Variants in LINGO2 observed in about 807,000 individuals in gnomAD.
LINGO2 encodes the protein leucine rich repeat and Ig domain containing 2.
LINGO2 carries 14 observed loss-of-function variants against 30.6 expected under a neutral mutation model. The observed-to-expected ratio is 0.46, with a 90% confidence interval of 0.30 to 0.72. The LOEUF is 0.72. Ranked by LOEUF, LINGO2 falls within the 30% of genes least tolerant of loss-of-function variation. The pLI, the probability that LINGO2 is intolerant of heterozygous loss-of-function variation, is 0.07. For missense variants in LINGO2, 729 were observed against 751.7 expected (o/e 0.97, Z 0.35); for synonymous variants, 317 against 288.5 (o/e 1.10, Z -1.00).
At chr9:29,059,229 G>T in the LINGO2 span, among the ~76,000 whole-genome samples, 12 of 151,624 alleles carry the variant, frequency 7.9e-5, no homozygotes, top group African/African-American at 2.9e-4. Flanking sequence ...CAATAAAATT[G>T]CAATGAGTAT....
At chr9:28,403,427 T>A (rs1587621021) in intron 2 of LINGO2, among the ~76,000 whole-genome samples, 1 of 152,162 alleles carries the variant, frequency 6.6e-6, no homozygotes, top group East Asian at 1.9e-4. Flanking sequence ...TCTCTTCAGG[T>A]CTGACAGCTA....
intron 4 of LINGO2, among the ~76,000 whole-genome samples, chr9:28,145,805 A>T (rs1449258698): frequency 6.6e-6 from 1 of 152,134 alleles, no homozygotes; most frequent in Non-Finnish European, 1.5e-5. Context: ...TTTCTTTCAC[A>T]AATAGCTTCA....
chr9:28,994,228 A>C, the LINGO2 span, among the ~76,000 whole-genome samples: 2 of 152,330 alleles, frequency 1.3e-5, no homozygotes, highest in African/African-American at 4.8e-5. Flanking sequence ...CCAATAACAG[A>C]CAAACATAGA....
chr9:28,733,653 A>G, the LINGO2 span, among the ~76,000 whole-genome samples: 2 of 152,152 alleles, frequency 1.3e-5, no homozygotes, highest in Non-Finnish European at 2.9e-5. Context: ...TGCGTTAACC[A>G]GTCCACCTTT....
At chr9:29,082,802 C>T in the LINGO2 span, among the ~76,000 whole-genome samples, 28,280 of 152,082 alleles carry the variant, frequency 0.19, 2,775 homozygotes, top group East Asian at 0.34. Context: ...CAAAAGAAGA[C>T]GTTTATGCAG....
chr9:28,973,113 G>GT, the LINGO2 span, among the ~76,000 whole-genome samples: 891 of 152,216 alleles, frequency 5.9e-3, 8 homozygotes, highest in African/African-American at 0.021. Context: ...GGGGTAGAAT[G>GT]TTTTTTCAAG....
chr9:28,631,421 G>A (rs903602913), intron 1 of LINGO2, among the ~76,000 whole-genome samples: 1 of 145,252 alleles, frequency 6.9e-6, no homozygotes, highest in African/African-American at 2.5e-5. Flanking sequence ...ATTAATTTTT[G>A]TATAAGGTGT....
At chr9:28,826,556 C>A in the LINGO2 span, among the ~76,000 whole-genome samples, 1 of 152,042 alleles carries the variant, frequency 6.6e-6, no homozygotes, top group Non-Finnish European at 1.5e-5. Context: ...CACACACACA[C>A]AAAATTGTTT....
chr9:28,851,078 T>A, the LINGO2 span, among the ~76,000 whole-genome samples: 10 of 152,028 alleles, frequency 6.6e-5, no homozygotes, highest in Non-Finnish European at 1.3e-4. Flanking sequence ...AGGAATTACA[T>A]TAAGGAAGAT....
the LINGO2 span, among the ~76,000 whole-genome samples, chr9:28,896,539 A>G: frequency 3.3e-5 from 5 of 152,100 alleles, no homozygotes; most frequent in African/African-American, 1.2e-4. Flanking sequence ...TTATAAACCT[A>G]CACTGTTATC....
At chr9:28,214,155 T>G (rs1820686848) in intron 4 of LINGO2, among the ~76,000 whole-genome samples, 1 of 151,718 alleles carries the variant, frequency 6.6e-6, no homozygotes, top group South Asian at 2.1e-4. Context: ...TTTCAAAAAT[T>G]ATGTCAGCAT....
intron 5 of LINGO2, among the ~76,000 whole-genome samples, chr9:27,976,128 T>TAC (rs1428179825): frequency 6.6e-6 from 1 of 152,146 alleles, no homozygotes; most frequent in Non-Finnish European, 1.5e-5. Context: ...TAACAGTACC[T>TAC]ACTTCATAAA....
the LINGO2 span, among the ~76,000 whole-genome samples, chr9:28,768,663 C>T: frequency 6.7e-6 from 1 of 149,366 alleles, no homozygotes; most frequent in Non-Finnish European, 1.5e-5. Context: ...CAGTCTCTCC[C>T]TCTCTCTCTC....
the LINGO2 span, among the ~76,000 whole-genome samples, chr9:28,818,024 C>G: frequency 6.6e-6 from 1 of 152,152 alleles, no homozygotes; most frequent in African/African-American, 2.4e-5. Flanking sequence ...ATAGCCCAGT[C>G]TGAGACGAAT....
chr9:28,561,888 C>G (rs1049535255), intron 1 of LINGO2, among the ~76,000 whole-genome samples: 1 of 150,952 alleles, frequency 6.6e-6, no homozygotes, highest in African/African-American at 2.4e-5. Context: ...GCACTGCACA[C>G]AGATCTGTGG....
chr9:28,788,506 C>T, the LINGO2 span, among the ~76,000 whole-genome samples: 1,358 of 152,200 alleles, frequency 8.9e-3, 16 homozygotes, highest in African/African-American at 0.031. Context: ...GCGAACCACA[C>T]GTGTATTAGT....
the LINGO2 span, among the ~76,000 whole-genome samples, chr9:29,047,058 A>C: frequency 7.3e-5 from 1 of 13,762 alleles, no homozygotes; most frequent in Non-Finnish European, 2.1e-4. Context: ...AAAACCAAAA[A>C]CAAACAAACA....
intron 3 of LINGO2, among the ~76,000 whole-genome samples, chr9:28,347,268 T>C (rs962309677): frequency 6.6e-6 from 1 of 152,194 alleles, no homozygotes; most frequent in Non-Finnish European, 1.5e-5. Flanking sequence ...TATTTAAATA[T>C]TCCTAGTTCC....
chr9:28,959,610 C>CACACACACA, the LINGO2 span, among the ~76,000 whole-genome samples: 1 of 141,622 alleles, frequency 7.1e-6, no homozygotes, highest in African/African-American at 2.7e-5. Flanking sequence ...TCTCTCTCTC[C>CACACACACA]CTCACACACA....
Sources: gnomAD v4.1 joint callset for allele counts (sites outside exome capture counted in the v4.1 genomes callset) on GRCh38, gnomAD v4.1.1 for gene constraint, MANE v1.5 for transcripts, NCBI Gene and HGNC (gene_info 2026-07-23, HGNC 2026-07-21) for gene names.